The following ENTREP2 variants were observed in gnomAD, a reference collection of about 807,000 sequenced individuals.
ENTREP2 encodes the protein endosomal transmembrane epsin interactor 2.
chr15:29,382,125 C>T, the ENTREP2 span, among the ~76,000 whole-genome samples: 1 of 152,048 alleles, frequency 6.6e-6, no homozygotes, highest in Non-Finnish European at 1.5e-5. Flanking sequence ...TTTGGCTGTG[C>T]TAGGCACACG....
At chr15:29,117,854 C>G in the ENTREP2 span, 1 of 152,224 alleles carries the variant, frequency 6.6e-6, no homozygotes, top group African/African-American at 2.4e-5. Flanking sequence ...ACCCTCCCAC[C>G]CGGCTGCATA....
At chr15:29,405,080 A>G in the ENTREP2 span, among the ~76,000 whole-genome samples, 1 of 152,142 alleles carries the variant, frequency 6.6e-6, no homozygotes, top group African/African-American at 2.4e-5. Context: ...TCCACACTGC[A>G]GAATCATCTT....
chr15:29,486,203 A>G, the ENTREP2 span, among the ~76,000 whole-genome samples: 4,771 of 152,162 alleles, frequency 0.031, 245 homozygotes, highest in African/African-American at 0.11. Context: ...CACACAATAG[A>G]GTACTATTCA....
chr15:29,249,792 AG>A, the ENTREP2 span, among the ~76,000 whole-genome samples: 1 of 152,150 alleles, frequency 6.6e-6, no homozygotes, highest in Non-Finnish European at 1.5e-5. Context: ...CAGGCTGTAC[AG>A]GAAGCATGAT....
chr15:29,376,843 G>C, the ENTREP2 span: 1 of 152,258 alleles, frequency 6.6e-6, no homozygotes, highest in African/African-American at 2.4e-5. Context: ...GCTGCCAGGA[G>C]AGCAATGGCA....
chr15:29,222,548 G>T, the ENTREP2 span, among the ~76,000 whole-genome samples: 7 of 152,154 alleles, frequency 4.6e-5, no homozygotes, highest in African/African-American at 1.7e-4. Flanking sequence ...CACCCTCCAA[G>T]AAGAGAGGCT....
At chr15:29,353,212 C>G in the ENTREP2 span, among the ~76,000 whole-genome samples, 2 of 151,922 alleles carry the variant, frequency 1.3e-5, no homozygotes, top group African/African-American at 4.8e-5. Context: ...ATGTTCTCTC[C>G]TAGGTGATTG....
the ENTREP2 span, among the ~76,000 whole-genome samples, chr15:29,518,401 T>C: frequency 6.6e-6 from 1 of 151,992 alleles, no homozygotes; most frequent in African/African-American, 2.4e-5. Flanking sequence ...TATTCATAAA[T>C]TTTCACAACA....
the ENTREP2 span, among the ~76,000 whole-genome samples, chr15:29,235,869 C>T: frequency 1.3e-5 from 2 of 151,656 alleles, no homozygotes; most frequent in African/African-American, 4.8e-5. Flanking sequence ...GAGGCTGAGG[C>T]AAAAAACTGC....
the ENTREP2 span, among the ~76,000 whole-genome samples, chr15:29,289,728 C>T: frequency 1.3e-5 from 2 of 151,996 alleles, no homozygotes; most frequent in Admixed American, 1.3e-4. Context: ...CACCTGTAAA[C>T]CCAGCTACTC....
chr15:29,478,972 A>T, the ENTREP2 span, among the ~76,000 whole-genome samples: 1 of 148,444 alleles, frequency 6.7e-6, no homozygotes, highest in Non-Finnish European at 1.5e-5. Flanking sequence ...AGGCAGGTGG[A>T]TCACGAGGTC....
the ENTREP2 span, among the ~76,000 whole-genome samples, chr15:29,240,666 G>A: frequency 1.3e-5 from 2 of 152,212 alleles, no homozygotes; most frequent in African/African-American, 2.4e-5. Context: ...CCCAGTCTGT[G>A]GTATTCTGCT....
chr15:29,303,212 AG>A, the ENTREP2 span, among the ~76,000 whole-genome samples: 3 of 152,216 alleles, frequency 2.0e-5, no homozygotes, highest in Admixed American at 6.5e-5. Context: ...GCTGCTGAAA[AG>A]GTGACAGGAA....
the ENTREP2 span, among the ~76,000 whole-genome samples, chr15:29,539,336 C>G: frequency 6.6e-6 from 1 of 152,234 alleles, no homozygotes; most frequent in African/African-American, 2.4e-5. Context: ...AAGGATCACA[C>G]TCTGAAACCC....
the ENTREP2 span, among the ~76,000 whole-genome samples, chr15:29,475,606 G>A: frequency 6.6e-6 from 1 of 152,166 alleles, no homozygotes; most frequent in African/African-American, 2.4e-5. Flanking sequence ...TGGGCAAAAG[G>A]AAGGGGACAC....
the ENTREP2 span, among the ~76,000 whole-genome samples, chr15:29,298,586 TATAGGA>T: frequency 6.6e-6 from 1 of 152,152 alleles, no homozygotes; most frequent in Non-Finnish European, 1.5e-5. Flanking sequence ...TCAACAAATT[TATAGGA>T]ATACATTTGA....
chr15:29,444,481 T>C, the ENTREP2 span, among the ~76,000 whole-genome samples: 1 of 151,172 alleles, frequency 6.6e-6, no homozygotes, highest in Non-Finnish European at 1.5e-5. Flanking sequence ...TTTTCTTTTT[T>C]TTCTTTTTTT....
chr15:29,264,196 AGG>A, the ENTREP2 span, among the ~76,000 whole-genome samples: 2 of 117,040 alleles, frequency 1.7e-5, no homozygotes, highest in African/African-American at 6.0e-5. Context: ...CCAACAAGCA[AGG>A]AAATGCTCAA....
the ENTREP2 span, among the ~76,000 whole-genome samples, chr15:29,142,476 T>G: frequency 2.6e-5 from 4 of 152,360 alleles, no homozygotes; most frequent in African/African-American, 9.6e-5. Flanking sequence ...AAGGTTACTG[T>G]GGGTCCCCAG....
Sources: allele counts gnomAD v4.1 joint callset (sites outside exome capture counted in the v4.1 genomes callset), GRCh38; gene constraint gnomAD v4.1.1; transcripts MANE v1.5; gene names NCBI Gene and HGNC (gene_info 2026-07-23, HGNC 2026-07-21).